The following GFPT2 variants were observed in gnomAD, a reference collection of about 807,000 sequenced individuals.
GFPT2 encodes glutamine--fructose-6-phosphate aminotransferase [isomerizing] 2.
Under a neutral mutation model 85.6 loss-of-function variants are expected in GFPT2, and 62 were observed. The observed-to-expected ratio is 0.72, with a 90% CI of 0.59 to 0.90. GFPT2 has a LOEUF of 0.90. Among genes scored for constraint, GFPT2 ranks in the 40% least tolerant of loss-of-function variants. GFPT2 has a pLI of 0.00. For missense variants in GFPT2, 788 were observed against 893.4 expected (o/e 0.88, Z 1.50); for synonymous variants, 368 against 344.5 (o/e 1.07, Z -0.75).
At chr5:180,339,487 CAAG>C (rs1009325496) in intron 1 of GFPT2, among the ~76,000 whole-genome samples, 1 of 151,874 alleles carries the variant, frequency 6.6e-6, no homozygotes, top group African/African-American at 2.4e-5. Flanking sequence ...GCCTATGAGT[CAAG>C]AAGATTTTGT....
At chr5:180,334,769 C>T (rs6859159) in intron 4 of GFPT2, among the ~76,000 whole-genome samples, 22,712 of 152,184 alleles carry the variant, frequency 0.15, 1,863 homozygotes, top group East Asian at 0.19. Flanking sequence ...CCCTGGAAGG[C>T]CCAGCTTATG....
At position 180,307,201 on chromosome 5, in the gene GFPT2, T is replaced by A. The variant is rs781768652; in HGVS notation, c.1649A>T (p.Tyr550Phe). 1.9e-6 allele frequency: 3 copies of A among 1,599,856 alleles called. No homozygotes were observed. The highest frequency in any genetic ancestry group is 3.5e-5 in the Admixed American group (2 of 57,396). ...SLLVMGRGYN[Y>F]ATCLEGALKI... ...CAGGGCTCCTTCCAGGCAGGTGGCA[T>A]AGTTGTAGCCCCGCCCCATCACCAG... The change falls in exon 16 of 19, where the codon TAT (tyrosine) becomes TTT (phenylalanine). Residue 550 changes from tyrosine (Y) to phenylalanine (F), a missense_variant. Physicochemically the swap from Tyr to Phe is conservative, Grantham distance 22. Transcript: ENST00000253778.
At position 180,301,336 on chromosome 5, in the gene GFPT2, C is replaced by A; in HGVS notation, c.*228G>T. 1 of 594,266 alleles carries A rather than the reference C, an allele frequency of 1.7e-6. No individual in the cohort carries two copies. Among genetic ancestry groups the A allele is most frequent in the Non-Finnish European group, 3.0e-6 (1 of 333,680 alleles). 36.8% of individuals were successfully genotyped at this position (594,266 alleles called of 1,614,324 possible). A position where few individuals can be genotyped will look rare whatever the true frequency, so the allele number is the denominator to read the frequency against. ...TAGTGGAGAAGTCTGCTCTGATCCC[C>A]ATGTGTAAACAATGATTCCCTTCTC... is the stretch of plus-strand genomic sequence containing the variant. On this transcript the variant is annotated 3_prime_UTR_variant, in exon 19 of 19. Coordinates refer to ENST00000253778, the MANE Select transcript of GFPT2 (RefSeq NM_005110.4).
In GFPT2 at chr5:180,323,282, G is replaced by A. The variant is rs539295572; in HGVS notation, c.794+906C>T. On this transcript the variant is annotated intron_variant, in intron 9 of 18. Coordinates refer to ENST00000253778, the MANE Select transcript of GFPT2 (RefSeq NM_005110.4). This position sits in a 1 kb window ranked among gnomAD's most constrained non-coding sequence, Gnocchi z 4.0. ...TGGGAAGCGCTGCCTTGACCTCAGC[G>A]TTAAGTATGATGCTGGCTGTGCGTT... Among the ~76,000 whole-genome samples, 30 of 152,298 alleles carry A rather than the reference G, an allele frequency of 2.0e-4. No homozygotes were observed. In the South Asian group the frequency reaches 5.6e-3, roughly 28 times the overall value.
intron 4 of GFPT2, among the ~76,000 whole-genome samples, chr5:180,333,501 T>C (rs1300972281): frequency 6.6e-6 from 1 of 152,272 alleles, no homozygotes; most frequent in East Asian, 1.9e-4. Flanking sequence ...CCCAAAGTGC[T>C]GGGATTACAG....
intron 15 of GFPT2, among the ~76,000 whole-genome samples, chr5:180,310,671 A>G (rs1342690542): frequency 2.6e-5 from 4 of 151,586 alleles, no homozygotes; most frequent in Admixed American, 1.3e-4. Context: ...TCAGCCTCCC[A>G]AAGTGCTGGG....
chr5:180,350,378 A>G (rs1764690956), intron 1 of GFPT2, among the ~76,000 whole-genome samples: 1 of 152,182 alleles, frequency 6.6e-6, no homozygotes, highest in Non-Finnish European at 1.5e-5. Context: ...CTGTGCACCA[A>G]ACAAAAAGAT....
intron 9 of GFPT2, among the ~76,000 whole-genome samples, chr5:180,319,510 C>T (rs1014668409): frequency 1.3e-5 from 2 of 152,202 alleles, no homozygotes; most frequent in African/African-American, 4.8e-5. Context: ...AGAAGTGATA[C>T]AGCTAGTAAT....
At chr5:180,327,863 G>T (rs146926949) in intron 7 of GFPT2, among the ~76,000 whole-genome samples, 50 of 152,244 alleles carry the variant, frequency 3.3e-4, no homozygotes, top group Middle Eastern at 3.4e-3. Flanking sequence ...GGCCTCTGCT[G>T]TACTGGATCC....
chr5:180,311,476 C>T (rs1038115592), intron 15 of GFPT2, among the ~76,000 whole-genome samples: 10 of 152,362 alleles, frequency 6.6e-5, no homozygotes, highest in East Asian at 3.9e-4. Context: ...TCACCAGCTA[C>T]GACAGCTGCG....
chr5:180,324,899 T>A lies in GFPT2; in HGVS notation c.597-4A>T. 6.3e-7 allele frequency: 1 copy of A among 1,592,758 alleles called. No individual in the cohort carries two copies. Among genetic ancestry groups the A allele is most frequent in the Non-Finnish European group, 8.6e-7 (1 of 1,160,684 alleles). ...GATGAGCAGGGGGCTGCCTCTCCTG[T>A]AGGGAGAAAGAGGCATCCCATTACC... is the stretch of plus-strand genomic sequence containing the variant. On this transcript the variant is annotated splice_polypyrimidine_tract_variant and splice_region_variant and intron_variant, in intron 7 of 18. Transcript: ENST00000253778.
At chr5:180,322,905 G>T (rs12521558) in intron 9 of GFPT2, among the ~76,000 whole-genome samples, 1 of 151,756 alleles carries the variant, frequency 6.6e-6, no homozygotes, top group Admixed American at 6.6e-5. Context: ...GCGTGGTGGC[G>T]GGCACCTGTA....
At chr5:180,315,838 C>T (rs895442909) in intron 13 of GFPT2, among the ~76,000 whole-genome samples, 2 of 152,160 alleles carry the variant, frequency 1.3e-5, no homozygotes, top group African/African-American at 2.4e-5. Flanking sequence ...CCTTCCTTGG[C>T]CCTAAAAGGG....
chr5:180,311,717 GA>G (rs145778658), intron 15 of GFPT2, among the ~76,000 whole-genome samples: 48,433 of 151,714 alleles, frequency 0.32, 7,970 homozygotes, highest in East Asian at 0.45. Context: ...GGTGAACAGG[GA>G]ATTTCAGGTC....
chr5:180,321,244 C>G (rs929217067), intron 9 of GFPT2, among the ~76,000 whole-genome samples: 4 of 151,320 alleles, frequency 2.6e-5, no homozygotes, highest in African/African-American at 9.7e-5. Context: ...CCTATCCTGT[C>G]TCCGAGAGAT....
rs772372593 is a variant in GFPT2, at chr5:180,331,593, G to A, written c.341-40C>T. 4 of 1,178,812 alleles carry A rather than the reference G, an allele frequency of 3.4e-6. No individual in the cohort carries two copies. In the Admixed American group the frequency reaches 5.1e-5, roughly 15 times the overall value. 73.0% of individuals were successfully genotyped at this position (1,178,812 alleles called of 1,614,324 possible). A position where few individuals can be genotyped will look rare whatever the true frequency, so the allele number is the denominator to read the frequency against. On this transcript the variant is annotated intron_variant, in intron 4 of 18. Transcript: ENST00000253778. ...AAGAGAGAAATGCTATTGAGAAGGAGGTTCATGTCAGATGTGAAGAGAGAT... is the reference window on the plus strand; with the variant it reads ...AAGAGAGAAATGCTATTGAGAAGGAAGTTCATGTCAGATGTGAAGAGAGAT...
In GFPT2 at chr5:180,353,296, C is replaced by CTCCTCT; in HGVS notation, c.-80_-79insAGAGGA. On this transcript the variant is annotated 5_prime_UTR_variant, in exon 1 of 19. Coordinates refer to ENST00000253778, the MANE Select transcript of GFPT2 (RefSeq NM_005110.4). ...GCTGGGGCTCCTCCGTGGGCTCCTC[C>CTCCTCT]GTGGGCTCCGTGGGCTCCGTGGGCT... The CTCCTCT allele has an allele frequency of 7.5e-6, 2 of 266,788 alleles. No individual in the cohort carries two copies. Among genetic ancestry groups the CTCCTCT allele is most frequent in the East Asian group, 1.2e-4 (2 of 16,918 alleles). 16.5% of individuals were successfully genotyped at this position (266,788 alleles called of 1,614,324 possible).
intron 7 of GFPT2, among the ~76,000 whole-genome samples, chr5:180,325,193 A>T (rs1195577461): frequency 6.6e-6 from 1 of 152,114 alleles, no homozygotes; most frequent in African/African-American, 2.4e-5. Flanking sequence ...CCAACCCACA[A>T]GGTTAGATGG....
At chr5:180,331,589 A>G in intron 4 of GFPT2, 36 bp from the exon 5 acceptor site, 1 of 1,235,992 alleles carries the variant, frequency 8.1e-7, no homozygotes. Flanking sequence ...GCTATTGAGA[A>G]GGAGGTTCAT....
Sources: gnomAD v4.1 joint callset for allele counts (sites outside exome capture counted in the v4.1 genomes callset) on GRCh38, gnomAD v4.1.1 for gene constraint, Gnocchi (gnomAD v3.1) non-coding constraint, MANE v1.5 for transcripts, NCBI Gene and HGNC (gene_info 2026-07-23, HGNC 2026-07-21) for gene names.